Variants in PNLDC1 observed in about 807,000 individuals in gnomAD.
PNLDC1 encodes the protein PARN like ribonuclease domain containing exonuclease 1, also known as poly(A)-specific ribonuclease PNLDC1.
In PNLDC1, 70 loss-of-function variants were observed where a neutral mutation model predicts 82.0. The observed-to-expected ratio is 0.85, with a 90% CI of 0.70 to 1.04. The LOEUF is 1.04. Among genes scored for constraint, PNLDC1 ranks in the 50% least tolerant of loss-of-function variants. PNLDC1 has a pLI of 0.00. For missense variants in PNLDC1, 631 were observed against 661.1 expected (o/e 0.95, Z 0.50); for synonymous variants, 280 against 249.3 (o/e 1.12, Z -1.16).
chr6:159,803,476 GT>G, intron 4 of PNLDC1, 166 bp downstream of exon 4: 1 of 627,656 alleles, frequency 1.6e-6, no homozygotes, highest in Non-Finnish European at 2.8e-6. Context: ...ATTCCAGCTT[GT>G]CTTTGATGTC....
Position 159,815,822 on chromosome 6 carries a change from C to G in PNLDC1, c.996-147C>G, listed in dbSNP as rs926042440. 9.7e-6 allele frequency: 6 copies of G among 619,090 alleles called. No homozygotes were observed. In the African/African-American group the frequency reaches 1.1e-4, roughly 11 times the overall value. The allele number at this position is 619,090 out of a possible 1,614,324, so 38.3% of individuals were successfully genotyped here. ...TTTCCTGTTGCCCAGTTACTAAGAT[C>G]TTACCTGTCCATGCTTAGATTTGCA... is the stretch of plus-strand genomic sequence containing the variant. On this transcript the variant is annotated intron_variant, in intron 12 of 18. Transcript: ENST00000392167.
chr6:159,813,744 C>T (rs1476716053), intron 12 of PNLDC1, 88 bp downstream of exon 12: 7 of 1,186,064 alleles, frequency 5.9e-6, no homozygotes, highest in African/African-American at 3.0e-5. Context: ...CTAGGCGTGC[C>T]CACCATTCAC....
chr6:159,820,416 G>A (rs1157285397), intron 18 of PNLDC1, 38 bp from the exon 19 acceptor site: 6 of 1,610,654 alleles, frequency 3.7e-6, no homozygotes, highest in South Asian at 1.1e-5. Context: ...TCGGCCTGCT[G>A]GGTGCCCCGG....
intron 3 of PNLDC1, 108 bp from the exon 4 acceptor site, chr6:159,803,163 C>A: frequency 1.1e-6 from 1 of 948,652 alleles, no homozygotes; most frequent in South Asian, 1.4e-5. Context: ...TTGTACAGCC[C>A]ACATAGTATC....
intron 15 of PNLDC1, among the ~76,000 whole-genome samples, chr6:159,818,020 C>T (rs1047874923): frequency 3.9e-5 from 6 of 152,230 alleles, no homozygotes; most frequent in Non-Finnish European, 8.8e-5. Flanking sequence ...AGTGGTGGGG[C>T]ACCTCAGTGC....
rs757987604 is a variant in PNLDC1, at chr6:159,820,010, C to T, written c.1533-444C>T. On this transcript the variant is annotated intron_variant, in intron 18 of 18. Transcript: ENST00000392167. ...TGGGGTAGACTGTGGAGGCGAGACG[C>T]TGTGAGAGCAGTCAGGAAGGAGATG... is the stretch of plus-strand genomic sequence containing the variant. 7.2e-5 allele frequency among the ~76,000 whole-genome samples: 11 copies of T among 152,268 alleles called. No homozygotes were observed. The East Asian group carries it at 1.2e-3, about 16-fold the overall frequency.
At position 159,808,778 on chromosome 6, in the gene PNLDC1, G is replaced by C. The variant is rs1461538970; in HGVS notation, c.601G>C (p.Ala201Pro). ...TGAGGTCCAACTGGTGCTGAGGCAG[G>C]CCCTCCCCAACATCTGGACGGTGCT... The part of the protein sequence containing the change: ...AFEVQLVLRQ[A>P]LPNIWTVLKD... The change falls in exon 8 of 19, where the codon GCC (alanine) becomes CCC (proline). Residue 201 changes from alanine to proline, a missense_variant. Ala to Pro is a conservative substitution (Grantham distance 27, BLOSUM62 -1). Coordinates refer to ENST00000392167, the MANE Select transcript of PNLDC1 (RefSeq NM_001271862.2). 1 of 1,614,066 alleles carries C rather than the reference G, an allele frequency of 6.2e-7. No homozygotes were observed. Among genetic ancestry groups the C allele is most frequent in the Admixed American group, 1.7e-5 (1 of 60,004 alleles).
chr6:159,805,792 C>A, intron 6 of PNLDC1, 191 bp from the exon 7 acceptor site: 1 of 582,660 alleles, frequency 1.7e-6, no homozygotes, highest in Non-Finnish European at 3.1e-6. Context: ...AGGTTGTGGG[C>A]TATTCTTCCA....
intron 13 of PNLDC1, among the ~76,000 whole-genome samples, 179 bp from the exon 14 acceptor site, chr6:159,816,364 T>A (rs1392843079): frequency 6.6e-6 from 1 of 151,214 alleles, no homozygotes; most frequent in Non-Finnish European, 1.5e-5. Flanking sequence ...GCAGCTCTGA[T>A]CTTGGGGCTT....
intron 15 of PNLDC1, among the ~76,000 whole-genome samples, chr6:159,818,156 G>A (rs1482022361): frequency 2.0e-5 from 3 of 152,248 alleles, no homozygotes; most frequent in African/African-American, 7.2e-5. Context: ...GACAGAGGGG[G>A]CACTGGCAGT....
chr6:159,804,560 C>T lies in PNLDC1; in HGVS notation c.384C>T (p.Asn128=), dbSNP rs746222147. The T allele has an allele frequency of 6.9e-6, 11 of 1,599,706 alleles. No individual in the cohort carries two copies. Among genetic ancestry groups the T allele is most frequent in the Admixed American group, 1.7e-5 (1 of 59,952 alleles). ...YGFNYNKFLK[N]GIPYMNEEQE... is the part of the protein sequence containing the mutation. ...GTTTCTGTCTTAAGTTTCTCAAAAA[C>T]GGAATCCCATATATGAATGAAGAAC... is the stretch of plus-strand genomic sequence containing the variant. Residue 128 remains asparagine, a synonymous_variant, in exon 6 of 19, where the codon AAC becomes AAT. Coordinates refer to ENST00000392167, the MANE Select transcript of PNLDC1 (RefSeq NM_001271862.2).
intron 15 of PNLDC1, among the ~76,000 whole-genome samples, chr6:159,818,069 G>A (rs876381): frequency 0.71 from 108,662 of 152,046 alleles, 39,314 homozygotes; most frequent in African/African-American, 0.8. Flanking sequence ...AATCCTCATG[G>A]CCTAAAAGCC....
chr6:159,816,185 C>T (rs1781820801), intron 13 of PNLDC1, 152 bp downstream of exon 13: 1 of 60,536 alleles, frequency 1.7e-5, no homozygotes, highest in East Asian at 8.8e-4. Flanking sequence ...TCCCCCCCAC[C>T]TCTCCCCCTG....
At chr6:159,803,363 G>A in intron 4 of PNLDC1, 53 bp downstream of exon 4, 2 of 1,543,916 alleles carry the variant, frequency 1.3e-6, no homozygotes, top group Non-Finnish European at 1.8e-6. Flanking sequence ...ATGTTCCACA[G>A]CTGCCACCTT....
chr6:159,820,383 G>A (rs994848288), intron 18 of PNLDC1, 71 bp from the exon 19 acceptor site: 55 of 1,452,198 alleles, frequency 3.8e-5, no homozygotes, highest in Non-Finnish European at 4.7e-5. Context: ...GAAGGAGGAG[G>A]GGCAAGCCTG....
At position 159,806,113 on chromosome 6, in the gene PNLDC1, G is replaced by A; in HGVS notation, c.562+30G>A. The A allele has an allele frequency of 2.0e-6, 3 of 1,529,918 alleles. 1 individual carries two copies. In the South Asian group the frequency reaches 3.4e-5, roughly 17 times the overall value. 94.8% of individuals were successfully genotyped at this position (1,529,918 alleles called of 1,614,324 possible). On this transcript the variant is annotated intron_variant, in intron 7 of 18. Transcript: ENST00000392167. The stretch of plus-strand genomic sequence containing the variant: ...GCAGGGCCTGTTCCTCCCAACGCAG[G>A]AGCATTGGGACAGGTCACTGTCACC...
At position 159,803,259 on chromosome 6, in the gene PNLDC1, T is replaced by C. The variant is rs1430627444; in HGVS notation, c.209-12T>C. 6.2e-7 allele frequency: 1 copy of C among 1,613,914 alleles called. No individual in the cohort carries two copies. The highest frequency in any genetic ancestry group is 2.2e-5 in the East Asian group (1 of 44,876). On this transcript the variant is annotated splice_polypyrimidine_tract_variant and intron_variant, in intron 3 of 18. Coordinates refer to ENST00000392167, the MANE Select transcript of PNLDC1 (RefSeq NM_001271862.2). Reference sequence around the variant, plus strand: ...TCCTTGGCATTCATTCCCTCTACGGTCATTCTTCCAGGATTGTCTGTGTTT... The same window carrying C: ...TCCTTGGCATTCATTCCCTCTACGGCCATTCTTCCAGGATTGTCTGTGTTT...
intron 12 of PNLDC1, among the ~76,000 whole-genome samples, chr6:159,815,327 G>T (rs1214419620): frequency 6.6e-6 from 1 of 152,220 alleles, no homozygotes; most frequent in East Asian, 1.9e-4. Context: ...ATGTGAATTT[G>T]AATGGGCTCT....
Position 159,813,658 on chromosome 6 carries a change from T to G in PNLDC1, c.995+2T>G, listed in dbSNP as rs1178300924. 1 of 1,613,528 alleles carries G rather than the reference T, an allele frequency of 6.2e-7. No homozygotes were observed. Among genetic ancestry groups the G allele is most frequent in the African/African-American group, 1.3e-5 (1 of 75,036 alleles). ...GGAAGTCTATGAAGTCCTGAACAGG[T>G]GAGGACGGCGATTCCTGGAGCTACT... On this transcript the variant is annotated splice_donor_variant, in intron 12 of 18. Transcript: ENST00000392167. LOFTEE classifies it high-confidence loss of function.
Sources: gnomAD v4.1 joint callset for allele counts (sites outside exome capture counted in the v4.1 genomes callset) on GRCh38, gnomAD v4.1.1 for gene constraint, MANE v1.5 for transcripts, NCBI Gene and HGNC (gene_info 2026-07-23, HGNC 2026-07-21) for gene names.